The following WNT9A variants were observed in gnomAD, a reference collection of about 807,000 sequenced individuals.
The protein encoded by WNT9A is Wnt family member 9A, also known as protein Wnt-9a.
Under a neutral mutation model 31.4 loss-of-function variants are expected in WNT9A, and 8 were observed. That is an observed-to-expected ratio of 0.26 (90% CI 0.15 to 0.46). The LOEUF (loss-of-function observed/expected upper bound fraction) is 0.46. Among genes scored for constraint, WNT9A ranks in the 20% least tolerant of loss-of-function variants. The pLI, the probability that WNT9A is intolerant of heterozygous loss-of-function variation, is 0.99. For synonymous variants in WNT9A, 236 were observed against 220.1 expected (o/e 1.07, Z -0.64); for missense variants, 457 against 522.9 (o/e 0.87, Z 1.23).
At chr1:227,944,316 A>G (rs1040640862) in intron 1 of WNT9A, among the ~76,000 whole-genome samples, 5 of 152,220 alleles carry the variant, frequency 3.3e-5, no homozygotes, top group African/African-American at 1.2e-4. Flanking sequence ...CAGGACAGGC[A>G]GACCCGTGGA....
Position 227,945,772 on chromosome 1 carries a change from T to G in WNT9A, c.95+2021A>C, listed in dbSNP as rs568035345. Among the ~76,000 whole-genome samples, 10 of 151,586 alleles carry G rather than the reference T, an allele frequency of 6.6e-5. No homozygotes were observed. The South Asian group carries it at 2.1e-3, about 32-fold the overall frequency. ...GCCAGGAGCCACAGCAGGAGAGGCCTCCGCACAACCCAGCCTGGAGCCCTT... is the reference window on the plus strand; with the variant it reads ...GCCAGGAGCCACAGCAGGAGAGGCCGCCGCACAACCCAGCCTGGAGCCCTT... On this transcript the variant is annotated intron_variant, in intron 1 of 3. Coordinates refer to ENST00000272164, the MANE Select transcript of WNT9A (RefSeq NM_003395.4).
At chr1:227,937,610 A>G (rs1401900583) in intron 1 of WNT9A, among the ~76,000 whole-genome samples, 1 of 152,252 alleles carries the variant, frequency 6.6e-6, no homozygotes, top group Non-Finnish European at 1.5e-5. Context: ...GGCCACGTGA[A>G]GATGGAAGCA....
At chr1:227,931,904 G>A (rs576534387) in intron 1 of WNT9A, among the ~76,000 whole-genome samples, 2 of 129,104 alleles carry the variant, frequency 1.5e-5, no homozygotes, top group African/African-American at 6.0e-5. Context: ...TGTATCTTTA[G>A]TAGAGACAGG....
chr1:227,938,428 C>G (rs913145747), intron 1 of WNT9A, among the ~76,000 whole-genome samples: 77 of 151,732 alleles, frequency 5.1e-4, no homozygotes, highest in African/African-American at 1.7e-3. Context: ...CACACCCATA[C>G]GAACCCATAA....
rs1385637931 is a variant in WNT9A at position 227,924,257 on chromosome 1, C to G, written c.496G>C (p.Gly166Arg). ...TACTTAAGGTTGTCTCCGCAGCCCC[C>G]CCACTGCCAGGCCTCACGGTTCTCC... ...DLENREAWQW[G>R]GCGDNLKYSS... The change falls in exon 3 of 4, where the codon GGG becomes CGG. Residue 166 changes from glycine (G) to arginine (R), a missense_variant. Physicochemically the swap from Gly to Arg is moderately radical, Grantham distance 125. Transcript: ENST00000272164. 6.2e-7 allele frequency: 1 copy of G among 1,613,792 alleles called. No individual in the cohort carries two copies. The highest frequency in any genetic ancestry group is 8.5e-7 in the Non-Finnish European group (1 of 1,180,010).
chr1:227,935,092 G>A (rs977375956), intron 1 of WNT9A, among the ~76,000 whole-genome samples: 1 of 150,684 alleles, frequency 6.6e-6, no homozygotes, highest in Non-Finnish European at 1.5e-5. Context: ...TCACAGCTCA[G>A]TTTGCCATAC....
chr1:227,922,117 G>A, intron 3 of WNT9A, 117 bp from the exon 4 acceptor site: 1 of 1,437,342 alleles, frequency 7.0e-7, no homozygotes, highest in Non-Finnish European at 9.2e-7. Context: ...CCCAGGCCCT[G>A]CCGGCGGGCG....
intron 1 of WNT9A, among the ~76,000 whole-genome samples, chr1:227,939,812 A>G (rs991809378): frequency 1.3e-5 from 2 of 152,212 alleles, no homozygotes; most frequent in Admixed American, 1.3e-4. Context: ...GTGTGAAACA[A>G]AATCAAAACA....
At chr1:227,947,570 G>C (rs1419794733) in intron 1 of WNT9A, among the ~76,000 whole-genome samples, 1 of 151,208 alleles carries the variant, frequency 6.6e-6, no homozygotes, top group Admixed American at 6.6e-5. Flanking sequence ...GGTCACGGAG[G>C]ACCGCGGCCC....
At chr1:227,946,759 G>C (rs113863745) in intron 1 of WNT9A, among the ~76,000 whole-genome samples, 5 of 152,344 alleles carry the variant, frequency 3.3e-5, no homozygotes, top group African/African-American at 1.2e-4. Context: ...GCGGGTGCCA[G>C]ATTCCTGGAC....
In WNT9A at chr1:227,921,871, T is replaced by G; in HGVS notation, c.745A>C (p.Thr249Pro). The change falls in exon 4 of 4, where the codon ACG (threonine) becomes CCG (proline). Residue 249 changes from threonine (T) to proline (P), a missense_variant. By Grantham distance (38) the Thr-to-Pro change is conservative. Transcript: ENST00000272164. Reference sequence around the variant, plus strand: ...GTGGTGCTGCCCACCTTGAGTGCCGTCTCATACTTGTGCTTCAGATGCTTG... The same window carrying G: ...GTGGTGCTGCCCACCTTGAGTGCCGGCTCATACTTGTGCTTCAGATGCTTG... Reference protein sequence around the residue: ...VGKHLKHKYETALKVGSTTNE... With the variant: ...VGKHLKHKYEPALKVGSTTNE... The G allele has an allele frequency of 6.2e-7, 1 of 1,613,148 alleles. No individual in the cohort carries two copies. Among genetic ancestry groups the G allele is most frequent in the Non-Finnish European group, 8.5e-7 (1 of 1,179,936 alleles).
intron 1 of WNT9A, among the ~76,000 whole-genome samples, chr1:227,932,115 C>T (rs1444916869): frequency 1.3e-5 from 2 of 152,224 alleles, no homozygotes; most frequent in African/African-American, 4.8e-5. Flanking sequence ...ATGCTGCTTG[C>T]TAGCATTTTA....
intron 1 of WNT9A, among the ~76,000 whole-genome samples, chr1:227,943,618 C>G (rs978482183): frequency 3.9e-5 from 6 of 152,156 alleles, no homozygotes; most frequent in Non-Finnish European, 7.3e-5. Context: ...GAGAAAGGAG[C>G]CTTTCTGCAC....
At position 227,921,345 on chromosome 1, in the gene WNT9A, G is replaced by T; in HGVS notation, c.*173C>A. 1 of 1,068,042 alleles carries T rather than the reference G, an allele frequency of 9.4e-7. No individual in the cohort carries two copies. Among genetic ancestry groups the T allele is most frequent in the Non-Finnish European group, 1.3e-6 (1 of 757,800 alleles). The allele number at this position is 1,068,042 out of a possible 1,614,324, so 66.2% of individuals were successfully genotyped here. On this transcript the variant is annotated 3_prime_UTR_variant, in exon 4 of 4. Transcript: ENST00000272164. ...GGACTCACCCCACGCTGCTAGGTCT[G>T]AGCCCAGGGACTCAGCCCATGCAGG...
chr1:227,931,149 CAAT>C (rs1666504855), intron 1 of WNT9A, among the ~76,000 whole-genome samples: 1 of 152,054 alleles, frequency 6.6e-6, no homozygotes, highest in Non-Finnish European at 1.5e-5. Context: ...TGCAGTGGCA[CAAT>C]GACAGCTCAC....
At chr1:227,929,648 A>C (rs1210123379) in intron 1 of WNT9A, among the ~76,000 whole-genome samples, 3 of 152,234 alleles carry the variant, frequency 2.0e-5, no homozygotes, top group African/African-American at 7.2e-5. Context: ...AGCCTGGGCA[A>C]CATAGTGAGA....
At chr1:227,934,918 C>G (rs1666564938) in intron 1 of WNT9A, among the ~76,000 whole-genome samples, 1 of 151,758 alleles carries the variant, frequency 6.6e-6, no homozygotes, top group Non-Finnish European at 1.5e-5. Flanking sequence ...CCATAGACAG[C>G]CTGAGTCACA....
At position 227,939,751 on chromosome 1, in the gene WNT9A, A is replaced by G. The variant is rs1006346357; in HGVS notation, c.95+8042T>C. The stretch of plus-strand genomic sequence containing the variant: ...AGAAGAGACTGCAGTTCCAGAAGCC[A>G]CAACACCCCGCCAGCAAAACCTCAG... On this transcript the variant is annotated intron_variant, in intron 1 of 3. Transcript: ENST00000272164. Among the ~76,000 whole-genome samples, 4 of 152,220 alleles carry G rather than the reference A, an allele frequency of 2.6e-5. No individual in the cohort carries two copies. In the East Asian group the frequency reaches 7.8e-4, roughly 30 times the overall value.
In WNT9A at chr1:227,919,572, AGCC is replaced by A. The variant is rs1666270563; in HGVS notation, c.*1943_*1945del. On this transcript the variant is annotated 3_prime_UTR_variant, in exon 4 of 4. Coordinates refer to ENST00000272164, the MANE Select transcript of WNT9A (RefSeq NM_003395.4). The stretch of plus-strand genomic sequence containing the variant: ...CATACCAGCAACCCGCCCAGAACCC[AGCC>A]CACAGCCATCAGGACACCCACAAGA... 1 of 152,066 alleles carries A rather than the reference AGCC, an allele frequency of 6.6e-6. No individual in the cohort carries two copies. Among genetic ancestry groups the A allele is most frequent in the Non-Finnish European group, 1.5e-5 (1 of 68,074 alleles). 9.4% of individuals were successfully genotyped at this position (152,066 alleles called of 1,614,324 possible).
Sources: gnomAD v4.1 joint callset for allele counts (sites outside exome capture counted in the v4.1 genomes callset) on GRCh38, gnomAD v4.1.1 for gene constraint, MANE v1.5 for transcripts, NCBI Gene and HGNC (gene_info 2026-07-23, HGNC 2026-07-21) for gene names.